The following ME2 variants were observed in gnomAD, a reference collection of about 807,000 sequenced individuals.
ME2 encodes NAD-dependent malic enzyme, mitochondrial.
A neutral mutation model predicts 73.7 loss-of-function variants in ME2; 60 were observed. The observed-to-expected ratio is 0.81, with a 90% CI of 0.66 to 1.01. ME2 has a LOEUF of 1.01. Among genes scored for constraint, ME2 ranks in the 50% least tolerant of loss-of-function variants. The pLI, the probability that ME2 is intolerant of heterozygous loss-of-function variation, is 0.00. For missense variants in ME2, 594 were observed against 705.5 expected, an observed-to-expected ratio of 0.84 and a Z score of 1.79; for synonymous variants, 199 against 236.9, an observed-to-expected ratio of 0.84 and a Z score of 1.47.
intron 13 of ME2, among the ~76,000 whole-genome samples, chr18:50,936,286 T>G (rs1336981372): frequency 6.6e-6 from 1 of 152,048 alleles, no homozygotes; most frequent in Admixed American, 6.6e-5. Flanking sequence ...CTTCAAGAAT[T>G]AAAGCAAAAT....
intron 1 of ME2, among the ~76,000 whole-genome samples, chr18:50,880,618 G>T (rs1189218514): frequency 1.3e-5 from 2 of 152,120 alleles, no homozygotes; most frequent in Non-Finnish European, 2.9e-5. Flanking sequence ...GGGCTTCGCC[G>T]TATTGGCCAG....
intron 2 of ME2, among the ~76,000 whole-genome samples, chr18:50,900,270 TTTTATTTATTTATTTA>T (rs201561556): frequency 4.1e-4 from 58 of 140,912 alleles, no homozygotes; most frequent in Admixed American, 5.8e-4. Context: ...GTAAGAATAA[TTTTATTTATTTATTTA>T]TTTATTTATT....
intron 15 of ME2, among the ~76,000 whole-genome samples, chr18:50,945,427 A>G (rs1306830341): frequency 6.6e-6 from 1 of 152,194 alleles, no homozygotes; most frequent in African/African-American, 2.4e-5. Context: ...GCCAGCCCTT[A>G]GGTTTTTAAC....
At chr18:50,916,939 A>G (rs79244087) in intron 5 of ME2, 243 of 153,074 alleles carry the variant, frequency 1.6e-3, no homozygotes, top group Non-Finnish European at 2.7e-3. Flanking sequence ...TTTCTTTTTC[A>G]CAGTTGCTAA....
At position 50,912,782 on chromosome 18, in the gene ME2, T is replaced by C; in HGVS notation, c.243-19T>C. On this transcript the variant is annotated intron_variant, in intron 3 of 15. Transcript: ENST00000321341. ...TAATGCAGGCTGACTTAGACATTAT[T>C]TACTGTGCTTCATTTCAGATATATC... The C allele has an allele frequency of 1.3e-6, 2 of 1,540,728 alleles. No homozygotes were observed. The highest frequency in any genetic ancestry group is 1.8e-6 in the Non-Finnish European group (2 of 1,137,538).
intron 1 of ME2, among the ~76,000 whole-genome samples, chr18:50,880,599 T>C (rs911694273): frequency 6.6e-6 from 1 of 152,230 alleles, no homozygotes; most frequent in African/African-American, 2.4e-5. Context: ...GTAATTTTAA[T>C]AGAGACGGGG....
chr18:50,941,353 C>CTTTTTTTTTTTTTTTTTTTTTTTTTTTT (rs57428974), intron 15 of ME2, among the ~76,000 whole-genome samples: 2 of 63,846 alleles, frequency 3.1e-5, no homozygotes, highest in African/African-American at 8.0e-5. Flanking sequence ...GTGATGGTTT[C>CTTTTTTTTTTTTTTTTTTTTTTTTTTTT]TTTTTTTTTT....
intron 2 of ME2, among the ~76,000 whole-genome samples, chr18:50,905,739 G>C (rs1014479360): frequency 6.6e-6 from 1 of 152,212 alleles, no homozygotes; most frequent in Non-Finnish European, 1.5e-5. Flanking sequence ...TCTGGATTAT[G>C]ATAGGAGGCT....
chr18:50,939,090 C>T (rs1478782429), intron 13 of ME2: 1 of 102,928 alleles, frequency 9.7e-6, no homozygotes, highest in South Asian at 3.2e-4. Context: ...CAGTGATCTC[C>T]AAAACAGAAA....
In ME2 at chr18:50,917,379, G is replaced by A; in HGVS notation, c.501G>A (p.Leu167=). The change falls in exon 6 of 16, where the codon CTG becomes CTA. Residue 167 remains leucine (L), a synonymous_variant. Coordinates refer to ENST00000321341, the MANE Select transcript of ME2 (RefSeq NM_002396.5). ...TAGTGACTGATGGAGAGAGAATTCT[G>A]GGTCTTGGAGATCTGGGTGTCTATG... ...AVVVTDGERI[L]GLGDLGVYGM... is the part of the protein sequence containing the mutation. The A allele has an allele frequency of 6.2e-7, 1 of 1,613,556 alleles. No individual in the cohort carries two copies. The highest frequency in any genetic ancestry group is 2.2e-5 in the East Asian group (1 of 44,836).
At chr18:50,896,860 A>T (rs1390454024) in intron 2 of ME2, among the ~76,000 whole-genome samples, 1 of 152,212 alleles carries the variant, frequency 6.6e-6, no homozygotes, top group Admixed American at 6.5e-5. Flanking sequence ...TCACCTTTGT[A>T]TTCTTGGTAC....
rs1315362255 is a variant in ME2, at chr18:50,949,976, C to T, written c.*2792C>T. On this transcript the variant is annotated 3_prime_UTR_variant, in exon 16 of 16. Transcript: ENST00000321341. ...GGAAAAGAAATTAAAACATTACCTT[C>T]GATGAGACTTTACCTAGCAAGAAGG... is the stretch of plus-strand genomic sequence containing the variant. 1.3e-5 allele frequency: 2 copies of T among 152,150 alleles called. No homozygotes were observed. The highest frequency in any genetic ancestry group is 2.9e-5 in the Non-Finnish European group (2 of 68,030). 9.4% of individuals were successfully genotyped at this position (152,150 alleles called of 1,614,324 possible).
At chr18:50,931,414 A>G (rs1441470562) in intron 12 of ME2, among the ~76,000 whole-genome samples, 1 of 152,236 alleles carries the variant, frequency 6.6e-6, no homozygotes, top group Non-Finnish European at 1.5e-5. Context: ...GTGACTTTTG[A>G]CAAAGTATTT....
intron 2 of ME2, among the ~76,000 whole-genome samples, chr18:50,902,401 A>G (rs532864739): frequency 2.6e-5 from 4 of 152,204 alleles, no homozygotes; most frequent in East Asian, 1.9e-4. Context: ...CTATTATTCT[A>G]TCACCTTTTT....
At chr18:50,921,935 C>T (rs1187732132) in intron 10 of ME2, among the ~76,000 whole-genome samples, 1 of 152,180 alleles carries the variant, frequency 6.6e-6, no homozygotes, top group African/African-American at 2.4e-5. Context: ...TGTCATATAT[C>T]TTCTGTGTAA....
At chr18:50,918,730 G>A (rs1917349670) in intron 7 of ME2, among the ~76,000 whole-genome samples, 1 of 144,358 alleles carries the variant, frequency 6.9e-6, no homozygotes, top group Non-Finnish European at 1.5e-5. Flanking sequence ...CATCTTCACA[G>A]GTTCTTGCTG....
intron 13 of ME2, chr18:50,935,336 C>T (rs1917790834): frequency 6.6e-6 from 1 of 151,986 alleles, no homozygotes; most frequent in East Asian, 1.9e-4. Context: ...CCTGGATATA[C>T]CGTAAATGCT....
intron 1 of ME2, among the ~76,000 whole-genome samples, chr18:50,895,166 T>G (rs916246868): frequency 3.9e-5 from 6 of 152,134 alleles, no homozygotes; most frequent in Admixed American, 1.3e-4. Flanking sequence ...ATATTTTAGA[T>G]TTAATGTATA....
chr18:50,884,205 TTATC>T (rs1000970553), intron 1 of ME2, among the ~76,000 whole-genome samples: 3 of 152,202 alleles, frequency 2.0e-5, no homozygotes, highest in Admixed American at 6.5e-5. Context: ...GCTAATAAAA[TTATC>T]TAATAGTTTG....
Sources: allele counts gnomAD v4.1 joint callset (sites outside exome capture counted in the v4.1 genomes callset), GRCh38; gene constraint gnomAD v4.1.1; transcripts MANE v1.5; gene names NCBI Gene and HGNC (gene_info 2026-07-23, HGNC 2026-07-21).